The following RUNX2 variants were observed in gnomAD, a reference collection of about 807,000 sequenced individuals.
RUNX2 encodes RUNX family transcription factor 2, also known as runt-related transcription factor 2.
Under a neutral mutation model 51.7 loss-of-function variants are expected in RUNX2, and 10 were observed. The observed-to-expected ratio is 0.19, with a 90% CI of 0.12 to 0.33. RUNX2 has a LOEUF of 0.33. Ranked by LOEUF, RUNX2 falls within the 10% of genes least tolerant of loss-of-function variation. The pLI, the probability that RUNX2 is intolerant of heterozygous loss-of-function variation, is 1.00. For missense variants in RUNX2, 562 were observed against 691.3 expected (o/e 0.81, Z 2.10); for synonymous variants, 276 against 273.6 (o/e 1.01, Z -0.09).
chr6:45,435,369 CT>C (rs1563085221), intron 4 of RUNX2, among the ~76,000 whole-genome samples: 1 of 151,748 alleles, frequency 6.6e-6, no homozygotes, highest in Non-Finnish European at 1.5e-5. Flanking sequence ...ATCTTTTTTT[CT>C]TTTTTGAGAT....
In RUNX2 at chr6:45,550,277, A is replaced by G. The variant is rs1372649244; in HGVS notation, c.*2972A>G. ...ACAGCTTTGGTTTTAGATTAGTGGA[A>G]TAACATTCAGCCCAGAACTGAGAAA... On this transcript the variant is annotated 3_prime_UTR_variant, in exon 9 of 9. Coordinates refer to ENST00000647337, the MANE Select transcript of RUNX2 (RefSeq NM_001024630.4). The G allele has an allele frequency of 6.6e-6, 1 of 152,420 alleles. No homozygotes were observed. The highest frequency in any genetic ancestry group is 1.5e-5 in the Non-Finnish European group (1 of 68,032). 9.4% of individuals were successfully genotyped at this position (152,420 alleles called of 1,614,324 possible). A position where few individuals can be genotyped will look rare whatever the true frequency, so the allele number is the denominator to read the frequency against.
Position 45,328,473 on chromosome 6 carries a change from T to A in RUNX2, c.-67+13T>A. On this transcript the variant is annotated intron_variant, in intron 1 of 8. Transcript: ENST00000647337. Reference sequence around the variant, plus strand: ...ACCAACAGAGTCAGTGAGTGCTCTCTAACCACAGTCTATGCAGTAATAGTA... The same window carrying A: ...ACCAACAGAGTCAGTGAGTGCTCTCAAACCACAGTCTATGCAGTAATAGTA... 6.7e-7 allele frequency: 1 copy of A among 1,487,134 alleles called. No individual in the cohort carries two copies. The highest frequency in any genetic ancestry group is 9.1e-7 in the Non-Finnish European group (1 of 1,099,986). The allele number at this position is 1,487,134 out of a possible 1,614,324, so 92.1% of individuals were successfully genotyped here. A position where few individuals can be genotyped will look rare whatever the true frequency, so the allele number is the denominator to read the frequency against.
chr6:45,492,255 A>G (rs967868021), intron 6 of RUNX2, 141 bp downstream of exon 6: 37 of 743,890 alleles, frequency 5.0e-5, no homozygotes, highest in Non-Finnish European at 8.0e-5. Flanking sequence ...GAAGACACTG[A>G]TTTCTTCTTT....
intron 2 of RUNX2, among the ~76,000 whole-genome samples, chr6:45,383,005 C>T (rs1457793082): frequency 6.6e-6 from 1 of 152,108 alleles, no homozygotes; most frequent in Non-Finnish European, 1.5e-5. Flanking sequence ...ATTGATTTGC[C>T]TACATTAGCT....
intron 2 of RUNX2, among the ~76,000 whole-genome samples, chr6:45,418,004 C>A (rs142658060): frequency 6.6e-6 from 1 of 152,106 alleles, no homozygotes; most frequent in East Asian, 1.9e-4. Context: ...AGAGTCCAAA[C>A]GAAAATTCTC....
At chr6:45,346,016 G>C (rs1175022031) in intron 2 of RUNX2, among the ~76,000 whole-genome samples, 1 of 151,908 alleles carries the variant, frequency 6.6e-6, no homozygotes, top group African/African-American at 2.4e-5. Flanking sequence ...ATCTCTACAG[G>C]GCTAAATATT....
chr6:45,425,587 G>T (rs1798361686), intron 3 of RUNX2, among the ~76,000 whole-genome samples: 1 of 152,108 alleles, frequency 6.6e-6, no homozygotes. Flanking sequence ...TCAAAAAGTG[G>T]GTGATAGCTA....
chr6:45,434,285 A>G (rs958762277), intron 4 of RUNX2, among the ~76,000 whole-genome samples: 5 of 151,778 alleles, frequency 3.3e-5, no homozygotes, highest in Non-Finnish European at 7.4e-5. Flanking sequence ...TTTATAACAG[A>G]CTCTTCCAGC....
intron 2 of RUNX2, among the ~76,000 whole-genome samples, chr6:45,382,187 C>A (rs1050175579): frequency 6.6e-6 from 1 of 152,134 alleles, no homozygotes; most frequent in Non-Finnish European, 1.5e-5. Flanking sequence ...TACATTTCAA[C>A]GGATTGTTGT....
At chr6:45,377,106 T>G (rs1796904046) in intron 2 of RUNX2, among the ~76,000 whole-genome samples, 1 of 151,304 alleles carries the variant, frequency 6.6e-6, no homozygotes, top group Non-Finnish European at 1.5e-5. Flanking sequence ...AAGGTCACAG[T>G]CATTCTGAAC....
At chr6:45,395,228 CT>C (rs369427347) in intron 2 of RUNX2, among the ~76,000 whole-genome samples, 138 of 152,214 alleles carry the variant, frequency 9.1e-4, no homozygotes, top group African/African-American at 3.1e-3. Flanking sequence ...AGCTTTTTTT[CT>C]TGTGAGAGTG....
intron 4 of RUNX2, among the ~76,000 whole-genome samples, chr6:45,435,269 A>T (rs1197174033): frequency 6.6e-6 from 1 of 152,234 alleles, no homozygotes; most frequent in Non-Finnish European, 1.5e-5. Context: ...GGAAGCATAG[A>T]TGACTTTTAA....
At chr6:45,492,538 G>A (rs923748536) in intron 6 of RUNX2, among the ~76,000 whole-genome samples, 3 of 152,068 alleles carry the variant, frequency 2.0e-5, no homozygotes, top group African/African-American at 7.2e-5. Context: ...CTTGAAAATT[G>A]CCCAGGGCGA....
At chr6:45,546,410 T>C (rs1247189144) in intron 8 of RUNX2, among the ~76,000 whole-genome samples, 1 of 152,214 alleles carries the variant, frequency 6.6e-6, no homozygotes, top group Non-Finnish European at 1.5e-5. Context: ...TTTCTTTATA[T>C]TGAGTTGAGG....
chr6:45,483,500 A>G (rs1474309443), intron 5 of RUNX2, among the ~76,000 whole-genome samples: 1 of 152,182 alleles, frequency 6.6e-6, no homozygotes, highest in Non-Finnish European at 1.5e-5. Flanking sequence ...ATAAAATGTG[A>G]CACCCATCCT....
At chr6:45,352,147 C>T (rs1358504841) in intron 2 of RUNX2, among the ~76,000 whole-genome samples, 1 of 152,124 alleles carries the variant, frequency 6.6e-6, no homozygotes, top group Non-Finnish European at 1.5e-5. Flanking sequence ...TACTGAACTA[C>T]AGCAATCTAA....
intron 5 of RUNX2, among the ~76,000 whole-genome samples, chr6:45,479,902 G>T (rs1264157276): frequency 6.6e-6 from 1 of 152,158 alleles, no homozygotes; most frequent in Non-Finnish European, 1.5e-5. Flanking sequence ...CACTACATTT[G>T]ATTCCTTTTT....
At position 45,535,970 on chromosome 6, in the gene RUNX2, T is replaced by C. The variant is rs1802020980; in HGVS notation, c.1022-9247T>C. Among the ~76,000 whole-genome samples the C allele has an allele frequency of 2.0e-5, 3 of 151,982 alleles. No individual in the cohort carries two copies. In the South Asian group the frequency reaches 6.2e-4, roughly 31 times the overall value. On this transcript the variant is annotated intron_variant, in intron 7 of 8. Transcript: ENST00000647337. ...ATTGTTGCTCTTGCAAATGTTTGTG[T>C]GCCCTTAACACAGAGTCTAGAAACA...
chr6:45,480,915 T>A (rs1800095108), intron 5 of RUNX2, among the ~76,000 whole-genome samples: 1 of 152,234 alleles, frequency 6.6e-6, no homozygotes, highest in African/African-American at 2.4e-5. Flanking sequence ...GACCAGGCTG[T>A]GGGAGTTGGC....
Sources: gnomAD v4.1 joint callset for allele counts (sites outside exome capture counted in the v4.1 genomes callset) on GRCh38, gnomAD v4.1.1 for gene constraint, MANE v1.5 for transcripts, NCBI Gene and HGNC (gene_info 2026-07-23, HGNC 2026-07-21) for gene names.